Variants in COG6 observed in about 807,000 individuals in gnomAD.
COG6 encodes component of oligomeric golgi complex 6.
Under a neutral mutation model 88.8 loss-of-function variants are expected in COG6, and 74 were observed. The observed-to-expected ratio is 0.83, with a 90% CI of 0.69 to 1.01. The LOEUF (loss-of-function observed/expected upper bound fraction) is 1.01, where lower values mean the gene tolerates loss of function less well. COG6 is among the 50% of genes least tolerant of loss of function. The pLI, the probability that COG6 is intolerant of heterozygous loss-of-function variation, is 0.00. For missense variants in COG6, 800 were observed against 797.9 expected, an observed-to-expected ratio of 1.00 and a Z score of -0.03; for synonymous variants, 286 against 278.7, an observed-to-expected ratio of 1.03 and a Z score of -0.26.
At position 39,785,484 on chromosome 13, in the gene COG6, T is replaced by C. The variant is rs9566476; in HGVS notation, c.1827-2851T>C. 80 of 152,332 alleles carry C rather than the reference T, an allele frequency of 5.3e-4. 1 individual carries two copies. In the East Asian group the frequency reaches 0.013, roughly 25 times the overall value. 9.4% of individuals were successfully genotyped at this position (152,332 alleles called of 1,614,324 possible). On this transcript the variant is annotated intron_variant, in intron 18 of 18. Coordinates refer to the COG6 transcript ENST00000416691. ...TGGTGACACTAATGTTAATAAATTC[T>C]GATAACCCACTACCATCAGACCAGC...
At chr13:39,761,509 C>T (rs1026715706) in intron 18 of COG6, among the ~76,000 whole-genome samples, 1 of 151,632 alleles carries the variant, frequency 6.6e-6, no homozygotes, top group Non-Finnish European at 1.5e-5. Context: ...AAAGCATAGG[C>T]AACAAAAGCA....
chr13:39,785,864 AGTACTTGGAG>A (rs1881758278), intron 18 of COG6, among the ~76,000 whole-genome samples: 1 of 152,168 alleles, frequency 6.6e-6, no homozygotes, highest in Non-Finnish European at 1.5e-5. Flanking sequence ...AGGGGTTAAG[AGTACTTGGAG>A]GATGGAGGAT....
Position 39,719,827 on chromosome 13 carries a change from G to A in COG6, c.1584G>A (p.Gln528=). 1 of 1,608,164 alleles carries A rather than the reference G, an allele frequency of 6.2e-7. No individual in the cohort carries two copies. The highest frequency in any genetic ancestry group is 8.5e-7 in the Non-Finnish European group (1 of 1,175,912). ...GACGTCTGGAAATGCTACAGTTTCA[G>A]GTAAATTTTTCTATAAAATGACTAT... ...TDRRLEMLQF[Q]IEAHLDTLIN... Residue 528 remains glutamine, a splice_region_variant and synonymous_variant, in exon 15 of 19, where the codon CAG becomes CAA. Transcript: ENST00000455146.
intron 4 of COG6, among the ~76,000 whole-genome samples, chr13:39,674,116 G>A (rs143543442): frequency 2.0e-5 from 3 of 151,328 alleles, no homozygotes; most frequent in South Asian, 2.1e-4. Context: ...CAACGTGCAG[G>A]TTTGTTACAT....
At chr13:39,743,292 T>A (rs1166980924) in intron 18 of COG6, among the ~76,000 whole-genome samples, 1 of 151,972 alleles carries the variant, frequency 6.6e-6, no homozygotes, top group Non-Finnish European at 1.5e-5. Context: ...AAAAAACCCT[T>A]AAAAAAATCA....
chr13:39,656,584 G>C (rs1169296642), intron 1 of COG6, among the ~76,000 whole-genome samples: 1 of 151,772 alleles, frequency 6.6e-6, no homozygotes, highest in African/African-American at 2.4e-5. Context: ...TAGGTAAATT[G>C]GTCATGACAG....
chr13:39,706,244 T>C (rs1216577476), intron 13 of COG6, among the ~76,000 whole-genome samples: 2 of 96,384 alleles, frequency 2.1e-5, no homozygotes, highest in African/African-American at 3.4e-5. Context: ...TTTATATATA[T>C]ATATACTCCT....
chr13:39,712,048 C>T (rs558186399), intron 13 of COG6, among the ~76,000 whole-genome samples: 26 of 152,168 alleles, frequency 1.7e-4, no homozygotes, highest in Non-Finnish European at 3.1e-4. Flanking sequence ...TTAGTAGAGA[C>T]GGGGTTTCGC....
chr13:39,667,679 A>C (rs1875357432), intron 4 of COG6, among the ~76,000 whole-genome samples: 1 of 152,198 alleles, frequency 6.6e-6, no homozygotes, highest in Non-Finnish European at 1.5e-5. Context: ...AATGACACAA[A>C]GTATGGAATG....
intron 18 of COG6, among the ~76,000 whole-genome samples, chr13:39,742,995 T>C (rs1880133146): frequency 6.6e-6 from 1 of 152,214 alleles, no homozygotes; most frequent in Admixed American, 6.5e-5. Flanking sequence ...AACCTGCTCC[T>C]GAATGACTAC....
chr13:39,694,142 A>G (rs4941941), intron 11 of COG6, among the ~76,000 whole-genome samples: 62,217 of 151,666 alleles, frequency 0.41, 13,100 homozygotes, highest in Admixed American at 0.56. Context: ...TAATTTGGCA[A>G]ATATGTTGGT....
intron 18 of COG6, among the ~76,000 whole-genome samples, chr13:39,743,847 A>G (rs561113533): frequency 6.6e-6 from 1 of 152,276 alleles, no homozygotes; most frequent in South Asian, 2.1e-4. Context: ...CGATGCAAAA[A>G]TCCTCAATAA....
At position 39,689,737 on chromosome 13, in the gene COG6, A is replaced by T. The variant is rs1876871306; in HGVS notation, c.1010-23A>T. 12 of 1,536,022 alleles carry T rather than the reference A, an allele frequency of 7.8e-6. No individual in the cohort carries two copies. The East Asian group carries it at 2.7e-4, about 35-fold the overall frequency. The stretch of plus-strand genomic sequence containing the variant: ...AAAGTATAATATGGAAACAAATATT[A>T]ATTATGTAGTCATTAATTTTAGGTG... On this transcript the variant is annotated intron_variant, in intron 10 of 18. Transcript: ENST00000455146.
rs1880646677 is a variant in COG6 at position 39,751,775 on chromosome 13, G to C, written c.*682G>C. ...AGGAGAGAGAAAAGTGATTTAAACAGGGTGGATTCCACTCTGTGGGAGCCT... is the reference window on the plus strand; with the variant it reads ...AGGAGAGAGAAAAGTGATTTAAACACGGTGGATTCCACTCTGTGGGAGCCT... On this transcript the variant is annotated 3_prime_UTR_variant, in exon 19 of 19. Transcript: ENST00000455146. 7.8e-7 allele frequency: 1 copy of C among 1,287,162 alleles called. No homozygotes were observed. The highest frequency in any genetic ancestry group is 1.0e-6 in the Non-Finnish European group (1 of 988,656). 79.7% of individuals were successfully genotyped at this position (1,287,162 alleles called of 1,614,324 possible).
At chr13:39,719,957 G>T in intron 15 of COG6, 130 bp downstream of exon 15, 4 of 619,704 alleles carry the variant, frequency 6.5e-6, no homozygotes, top group Non-Finnish European at 8.7e-6. Context: ...TCTGATGAAA[G>T]GACACACATG....
At chr13:39,677,435 C>A in intron 4 of COG6, 33 bp from the exon 5 acceptor site, 1 of 1,242,588 alleles carries the variant, frequency 8.0e-7, no homozygotes, top group Non-Finnish European at 1.2e-6. Flanking sequence ...GTGTAAGATG[C>A]TTGATTTTTA....
At chr13:39,753,401 G>T (rs1880731069), downstream of COG6, among the ~76,000 whole-genome samples, 1 of 152,138 alleles carries the variant, frequency 6.6e-6, no homozygotes, top group Non-Finnish European at 1.5e-5. Context: ...TTATAAGCCA[G>T]CTAGTTTATG....
chr13:39,682,061 A>ATT, intron 7 of COG6, 110 bp from the exon 8 acceptor site: 4 of 738,274 alleles, frequency 5.4e-6, no homozygotes, highest in Non-Finnish European at 9.4e-6. Flanking sequence ...TTTTCTGAGG[A>ATT]TTTTTTTTTA....
intron 18 of COG6, among the ~76,000 whole-genome samples, chr13:39,757,775 A>C (rs140942279): frequency 6.6e-6 from 1 of 152,268 alleles, no homozygotes; most frequent in Non-Finnish European, 1.5e-5. Flanking sequence ...GTAATCAAAA[A>C]ACTCCCAACA....
Sources: allele counts gnomAD v4.1 joint callset (sites outside exome capture counted in the v4.1 genomes callset), GRCh38; gene constraint gnomAD v4.1.1; transcripts MANE v1.5; gene names NCBI Gene and HGNC (gene_info 2026-07-23, HGNC 2026-07-21).